Variants in GRM8 observed in about 807,000 individuals in gnomAD.
The protein encoded by GRM8 is glutamate metabotropic receptor 8.
In GRM8, 47 loss-of-function variants were observed where a neutral mutation model predicts 87.2. That is an observed-to-expected ratio of 0.54 (90% CI 0.43 to 0.69). GRM8 has a LOEUF of 0.69. Among genes scored for constraint, GRM8 ranks in the 30% least tolerant of loss-of-function variants. The pLI, the probability that GRM8 is intolerant of heterozygous loss-of-function variation, is 0.00. For missense variants in GRM8, 1,019 were observed against 1,139.2 expected (o/e 0.89, Z 1.52); for synonymous variants, 396 against 404.5 (o/e 0.98, Z 0.25).
At chr7:126,479,769 C>T (rs202081971) in intron 9 of GRM8, among the ~76,000 whole-genome samples, 37 of 110,086 alleles carry the variant, frequency 3.4e-4, no homozygotes, top group East Asian at 7.9e-4. Context: ...GACAGACAGA[C>T]AGATAGATAG....
At chr7:126,585,161 A>G (rs1218616498) in intron 8 of GRM8, among the ~76,000 whole-genome samples, 1 of 152,202 alleles carries the variant, frequency 6.6e-6, no homozygotes, top group Non-Finnish European at 1.5e-5. Context: ...AGAAAAATAC[A>G]TTCTAACCTA....
chr7:126,528,631 TGTGTGTG>T (rs1326253060), intron 9 of GRM8, among the ~76,000 whole-genome samples: 1 of 151,914 alleles, frequency 6.6e-6, no homozygotes, highest in African/African-American at 2.4e-5. Flanking sequence ...TGTGTGTGTG[TGTGTGTG>T]TGTGTGTGTT....
intron 9 of GRM8, among the ~76,000 whole-genome samples, chr7:126,457,340 A>G (rs1236688939): frequency 6.6e-6 from 1 of 151,572 alleles, no homozygotes; most frequent in Non-Finnish European, 1.5e-5. Flanking sequence ...AAGGAGAGAT[A>G]TAATAGATAA....
At chr7:127,069,041 A>G (rs1821415537) in intron 3 of GRM8, among the ~76,000 whole-genome samples, 1 of 152,242 alleles carries the variant, frequency 6.6e-6, no homozygotes, top group Non-Finnish European at 1.5e-5. Flanking sequence ...TAAACATAAT[A>G]TATGGTACTC....
intron 3 of GRM8, among the ~76,000 whole-genome samples, chr7:127,005,684 G>A (rs1814216267): frequency 6.6e-6 from 1 of 151,842 alleles, no homozygotes; most frequent in East Asian, 1.9e-4. Context: ...ACTACTCCAT[G>A]CACTAGCTTT....
chr7:126,533,864 A>T lies in GRM8; in HGVS notation c.1518T>A (p.His506Gln). 1 of 1,613,340 alleles carries T rather than the reference A, an allele frequency of 6.2e-7. No homozygotes were observed. The highest frequency in any genetic ancestry group is 8.5e-7 in the Non-Finnish European group (1 of 1,179,532). Residue 506 changes from histidine (H) to glutamine (Q), a missense_variant, in exon 9 of 11, where the codon CAT becomes CAA. His to Gln is a conservative substitution (Grantham distance 24, BLOSUM62 0). Transcript: ENST00000339582. Reference sequence around the variant, plus strand: ...CAGACGCCGGGTGAGTATGTTCTCTATGAGCCCACTGCATGTCTTCCACCT... The same window carrying T: ...CAGACGCCGGGTGAGTATGTTCTCTTTGAGCCCACTGCATGTCTTCCACCT... The part of the protein sequence containing the change: ...HLKVEDMQWA[H>Q]REHTHPASVC...
intron 6 of GRM8, among the ~76,000 whole-genome samples, chr7:126,856,320 T>C (rs1797681831): frequency 6.6e-6 from 1 of 152,166 alleles, no homozygotes; most frequent in Non-Finnish European, 1.5e-5. Context: ...TGCTTATAAA[T>C]TAAAAAATCA....
At chr7:126,992,428 T>C (rs1812748542) in intron 3 of GRM8, among the ~76,000 whole-genome samples, 4 of 152,186 alleles carry the variant, frequency 2.6e-5, no homozygotes, top group Admixed American at 2.6e-4. Context: ...GGATACAAGT[T>C]CAATAGAAAA....
intron 9 of GRM8, chr7:126,512,158 T>C (rs1447032539): frequency 1.3e-5 from 2 of 152,162 alleles, no homozygotes; most frequent in East Asian, 3.9e-4. Flanking sequence ...TTGGCCATTG[T>C]GTATACCTCC....
At chr7:126,752,552 C>T (rs899843449) in intron 7 of GRM8, among the ~76,000 whole-genome samples, 2 of 152,056 alleles carry the variant, frequency 1.3e-5, no homozygotes, top group African/African-American at 4.8e-5. Context: ...GGACCCTAAA[C>T]ACTGTGAGAA....
intron 9 of GRM8, among the ~76,000 whole-genome samples, chr7:126,486,510 C>A (rs936242578): frequency 6.6e-6 from 1 of 151,990 alleles, no homozygotes; most frequent in Non-Finnish European, 1.5e-5. Flanking sequence ...GTTACACTTC[C>A]CAGCCTGTCA....
chr7:127,168,887 A>G (rs1040781916), intron 2 of GRM8, among the ~76,000 whole-genome samples: 1 of 152,054 alleles, frequency 6.6e-6, no homozygotes, highest in Non-Finnish European at 1.5e-5. Flanking sequence ...GAGGGATAGC[A>G]TTAGGAGAAA....
intron 3 of GRM8, among the ~76,000 whole-genome samples, chr7:126,959,012 A>G (rs1356733947): frequency 6.6e-6 from 1 of 152,212 alleles, no homozygotes; most frequent in Non-Finnish European, 1.5e-5. Context: ...AAGCTTCAGA[A>G]ACATGGAAAA....
At position 127,106,676 on chromosome 7, in the gene GRM8, GC is replaced by G; in HGVS notation, c.546del (p.Glu182AspfsTer2). ...PQISYASTAP[E>X]LSDNTRYDFF... is the part of the protein sequence containing the mutation. Reference sequence around the variant, plus strand: ...AAGTCATACCTGGTGTTATCACTTAGCTCTGGGGCTGTGGATGCATAGCTGA... The same window carrying G: ...AAGTCATACCTGGTGTTATCACTTAGTCTGGGGCTGTGGATGCATAGCTGA... On this transcript the variant is annotated frameshift_variant, in exon 3 of 11. Transcript: ENST00000339582. LOFTEE classifies it high-confidence loss of function. 6.2e-7 allele frequency: 1 copy of G among 1,613,686 alleles called. No individual in the cohort carries two copies.
chr7:127,113,572 T>A (rs1385360354), intron 2 of GRM8, among the ~76,000 whole-genome samples: 8 of 151,966 alleles, frequency 5.3e-5, no homozygotes, highest in Admixed American at 6.6e-5. Flanking sequence ...GCGGGGTGGG[T>A]TCTTTGTGCT....
At chr7:126,697,853 G>T (rs1287094412) in intron 7 of GRM8, among the ~76,000 whole-genome samples, 1 of 152,162 alleles carries the variant, frequency 6.6e-6, no homozygotes, top group Non-Finnish European at 1.5e-5. Flanking sequence ...CCTTCAGGTG[G>T]AAATTATACT....
intron 2 of GRM8, among the ~76,000 whole-genome samples, chr7:127,236,997 C>G (rs10234740): frequency 0.1 from 15,620 of 152,144 alleles, 967 homozygotes; most frequent in African/African-American, 0.17. Flanking sequence ...CTGCTTGTTA[C>G]TTGTAACAAA....
At chr7:126,825,127 G>A (rs1794640677) in intron 6 of GRM8, among the ~76,000 whole-genome samples, 1 of 152,110 alleles carries the variant, frequency 6.6e-6, no homozygotes, top group South Asian at 2.1e-4. Flanking sequence ...GAGTGCAGTG[G>A]GGTGACCTCG....
intron 3 of GRM8, among the ~76,000 whole-genome samples, chr7:126,926,828 C>T (rs1286530716): frequency 6.6e-6 from 1 of 152,186 alleles, no homozygotes; most frequent in East Asian, 1.9e-4. Context: ...TCTTGTCTTC[C>T]CAGCATTGGT....
Sources: allele counts gnomAD v4.1 joint callset (sites outside exome capture counted in the v4.1 genomes callset), GRCh38; gene constraint gnomAD v4.1.1; transcripts MANE v1.5; gene names NCBI Gene and HGNC (gene_info 2026-07-23, HGNC 2026-07-21).